The following PPM1B variants were observed in gnomAD, a reference collection of about 807,000 sequenced individuals.
PPM1B encodes protein phosphatase, Mg2+/Mn2+ dependent 1B.
PPM1B carries 22 observed loss-of-function variants against 43.0 expected under a neutral mutation model. The observed-to-expected ratio is 0.51, with a 90% CI of 0.37 to 0.73. The LOEUF (loss-of-function observed/expected upper bound fraction) is 0.73, where lower values mean the gene tolerates loss of function less well. Ranked by LOEUF, PPM1B falls within the 30% of genes least tolerant of loss-of-function variation. PPM1B has a pLI of 0.00. For missense variants in PPM1B, 632 were observed against 584.2 expected (o/e 1.08, Z -0.84); for synonymous variants, 217 against 197.9 (o/e 1.10, Z -0.81).
intron 3 of PPM1B, among the ~76,000 whole-genome samples, chr2:44,214,750 T>G (rs2104205974): frequency 6.6e-6 from 1 of 152,282 alleles, no homozygotes; most frequent in African/African-American, 2.4e-5. Flanking sequence ...TGAGCAGGAT[T>G]CTCATTCAGC....
Position 44,201,250 on chromosome 2 carries a change from T to C in PPM1B, c.51T>C (p.Gly17=), listed in dbSNP as rs748949992. The change falls in exon 2 of 6, where the codon GGT becomes GGC. Residue 17 remains glycine, a synonymous_variant. Coordinates refer to ENST00000282412, the MANE Select transcript of PPM1B (RefSeq NM_002706.6). The surrounding 1 kb of genome is among the most constrained non-coding windows in gnomAD (Gnocchi z 5.4). ...AAACTGAAAAACATAATGCTCATGG[T>C]GCTGGGAATGGTTTACGTTATGGCC... is the stretch of plus-strand genomic sequence containing the variant. ...KPKTEKHNAH[G]AGNGLRYGLS... is the part of the protein sequence containing the mutation. 6.8e-6 allele frequency: 11 copies of C among 1,612,672 alleles called. No homozygotes were observed. In the Admixed American group the frequency reaches 1.5e-4, roughly 22 times the overall value.
intron 5 of PPM1B, among the ~76,000 whole-genome samples, chr2:44,220,230 A>T (rs945297593): frequency 7.3e-5 from 11 of 151,332 alleles, no homozygotes; most frequent in African/African-American, 2.7e-4. Context: ...GGTGTTTCAA[A>T]GTGTCAACCC....
downstream of PPM1B, chr2:44,233,551 A>G: frequency 1.0e-6 from 1 of 985,616 alleles, no homozygotes; most frequent in South Asian, 4.7e-5. Context: ...TACATGGTTT[A>G]CATGTTGTGG....
At chr2:44,207,645 G>A (rs538693016) in intron 2 of PPM1B, among the ~76,000 whole-genome samples, 116 of 150,084 alleles carry the variant, frequency 7.7e-4, no homozygotes, top group African/African-American at 2.8e-3. Context: ...GTGTCATCAC[G>A]GCTCACTGCA....
intron 1 of PPM1B, among the ~76,000 whole-genome samples, chr2:44,175,698 A>G (rs1667550286): frequency 1.3e-5 from 2 of 152,192 alleles, no homozygotes; most frequent in Admixed American, 1.3e-4. Context: ...AAGGAAAGGA[A>G]GAGGTTTTCT....
intron 5 of PPM1B, among the ~76,000 whole-genome samples, chr2:44,223,532 G>A (rs534383396): frequency 3.3e-5 from 5 of 151,928 alleles, no homozygotes; most frequent in Non-Finnish European, 5.9e-5. Flanking sequence ...AATGCAGGCC[G>A]GGCGCGGTGG....
intron 1 of PPM1B, among the ~76,000 whole-genome samples, chr2:44,189,769 G>GT (rs1451970205): frequency 2.6e-5 from 4 of 152,146 alleles, no homozygotes; most frequent in African/African-American, 7.2e-5. Flanking sequence ...CCTGCCCATT[G>GT]TTTTTTATTA....
chr2:44,214,204 G>C (rs191325788), intron 3 of PPM1B, among the ~76,000 whole-genome samples: 1 of 151,934 alleles, frequency 6.6e-6, no homozygotes, highest in Admixed American at 6.6e-5. Context: ...CTCAGCCTCC[G>C]AAGTAGCTGG....
At chr2:44,186,349 A>G (rs1032904623) in intron 1 of PPM1B, among the ~76,000 whole-genome samples, 1 of 152,168 alleles carries the variant, frequency 6.6e-6, no homozygotes, top group African/African-American at 2.4e-5. Context: ...GAAGCACATT[A>G]TTTTAAATAT....
chr2:44,231,238 A>T lies in PPM1B; in HGVS notation c.*520A>T. 1 of 980,394 alleles carries T rather than the reference A, an allele frequency of 1.0e-6. No individual in the cohort carries two copies. Among genetic ancestry groups the T allele is most frequent in the African/African-American group, 1.7e-5 (1 of 57,220 alleles). 60.7% of individuals were successfully genotyped at this position (980,394 alleles called of 1,614,324 possible). ...GTTGTTTGATTTGTTTATATTTTACATCTCTGTAGTTTTATTTTTAGAAGT... is the reference window on the plus strand; with the variant it reads ...GTTGTTTGATTTGTTTATATTTTACTTCTCTGTAGTTTTATTTTTAGAAGT... On this transcript the variant is annotated 3_prime_UTR_variant, in exon 6 of 6. Coordinates refer to ENST00000282412, the MANE Select transcript of PPM1B (RefSeq NM_002706.6).
At chr2:44,223,360 T>C (rs999832196) in intron 5 of PPM1B, among the ~76,000 whole-genome samples, 1 of 152,246 alleles carries the variant, frequency 6.6e-6, no homozygotes, top group African/African-American at 2.4e-5. Flanking sequence ...AAATTTTGCA[T>C]GCATTTTTCT....
At chr2:44,207,625 G>A (rs1669249303) in intron 2 of PPM1B, among the ~76,000 whole-genome samples, 1 of 151,282 alleles carries the variant, frequency 6.6e-6, no homozygotes, top group Non-Finnish European at 1.5e-5. Flanking sequence ...GCCCAGGCTA[G>A]AGTGCAGTGG....
intron 1 of PPM1B, among the ~76,000 whole-genome samples, chr2:44,177,902 G>A (rs1572682933): frequency 6.9e-6 from 1 of 144,400 alleles, no homozygotes. Context: ...TCCATTGTAT[G>A]ATTAGAACAG....
intron 3 of PPM1B, among the ~76,000 whole-genome samples, chr2:44,215,130 A>T (rs1326055126): frequency 1.3e-5 from 2 of 152,232 alleles, no homozygotes; most frequent in Non-Finnish European, 2.9e-5. Context: ...GTTATTATTA[A>T]TCAGGAGACA....
chr2:44,210,709 T>C (rs1669421879), intron 3 of PPM1B, among the ~76,000 whole-genome samples: 1 of 152,114 alleles, frequency 6.6e-6, no homozygotes, highest in South Asian at 2.1e-4. Flanking sequence ...CTCTCTCTCC[T>C]CTTATTCCCC....
chr2:44,174,816 G>A (rs1667505283), intron 1 of PPM1B, among the ~76,000 whole-genome samples: 1 of 152,220 alleles, frequency 6.6e-6, no homozygotes. Flanking sequence ...GTTCTTATGA[G>A]TAGGAGAATC....
intron 2 of PPM1B, among the ~76,000 whole-genome samples, chr2:44,205,617 T>A (rs113268870): frequency 9.2e-5 from 14 of 152,274 alleles, no homozygotes; most frequent in African/African-American, 2.4e-4. Flanking sequence ...AATAGGATTT[T>A]TTCTTTTTTT....
chr2:44,236,654 T>C (rs12052229), downstream of PPM1B, among the ~76,000 whole-genome samples: 21,361 of 152,112 alleles, frequency 0.14, 1,855 homozygotes, highest in South Asian at 0.25. Context: ...CCTTGGAAAA[T>C]ACGCAAACCA....
At position 44,201,566 on chromosome 2, in the gene PPM1B, C is replaced by T. The variant is rs746837106; in HGVS notation, c.367C>T (p.Leu123Phe). The change falls in exon 2 of 6, where the codon CTC (leucine) becomes TTC (phenylalanine). Residue 123 changes from leucine to phenylalanine, a missense_variant. Leu to Phe is a conservative substitution (Grantham distance 22). Around this residue, in one of 3 missense-constraint regions of PPM1B, gnomAD observed 200 missense variants for 200.7 expected, o/e 1.00. Transcript: ENST00000282412. The surrounding 1 kb of genome is among the most constrained non-coding windows in gnomAD (Gnocchi z 5.4). ...TGAATACATGCGTAACTTTTCAGAC[C>T]TCAGAAACGGGATGGACAGGAGTGG... ...IDEYMRNFSDLRNGMDRSGST... is the reference protein window; with the variant it reads ...IDEYMRNFSDFRNGMDRSGST... The T allele has an allele frequency of 6.2e-7, 1 of 1,614,106 alleles. No homozygotes were observed. The highest frequency in any genetic ancestry group is 8.5e-7 in the Non-Finnish European group (1 of 1,180,032).
Sources: gnomAD v4.1 joint callset for allele counts (sites outside exome capture counted in the v4.1 genomes callset) on GRCh38, gnomAD v4.1.1 for gene constraint, gnomAD v4.1.1 regional missense constraint, Gnocchi (gnomAD v3.1) non-coding constraint, MANE v1.5 for transcripts, NCBI Gene and HGNC (gene_info 2026-07-23, HGNC 2026-07-21) for gene names.